CMIP: variants seen among roughly 807,000 people sequenced by gnomAD.
CMIP encodes c-Maf inducing protein.
Under a neutral mutation model 97.3 loss-of-function variants are expected in CMIP, and 13 were observed. That is an observed-to-expected ratio of 0.13 (90% confidence interval 0.09 to 0.21). The LOEUF (loss-of-function observed/expected upper bound fraction) is 0.21, where lower values mean the gene tolerates loss of function less well. Ranked by LOEUF, CMIP falls within the 10% of genes least tolerant of loss-of-function variation. The pLI is 1.00. For missense variants in CMIP, 847 were observed against 1,024.9 expected (o/e 0.83, Z 2.37); for synonymous variants, 538 against 436.3 (o/e 1.23, Z -2.91).
chr16:81,493,919 G>A (rs1029052410), intron 1 of CMIP, among the ~76,000 whole-genome samples: 1 of 152,212 alleles, frequency 6.6e-6, no homozygotes, highest in Non-Finnish European at 1.5e-5. Context: ...TTCAGGCCTC[G>A]CCTGTACACT....
chr16:81,544,321 T>A (rs1052275301), intron 1 of CMIP, among the ~76,000 whole-genome samples: 1 of 152,220 alleles, frequency 6.6e-6, no homozygotes, highest in African/African-American at 2.4e-5. Flanking sequence ...AAATACTCAA[T>A]TTTTTAATTG....
chr16:81,607,745 T>C (rs2091768571), intron 2 of CMIP, 53 bp downstream of exon 2: 2 of 1,591,598 alleles, frequency 1.3e-6, no homozygotes, highest in Non-Finnish European at 1.7e-6. Context: ...CTTCATGCAC[T>C]TGTGCCCCTC....
chr16:81,652,735 G>A lies in CMIP; in HGVS notation c.639+371G>A, dbSNP rs1045132236. On this transcript the variant is annotated intron_variant, in intron 4 of 20. Coordinates refer to ENST00000537098, the MANE Select transcript of CMIP (RefSeq NM_198390.3). The surrounding 1 kb of genome is among the most constrained non-coding windows in gnomAD (Gnocchi z 5.2). ...CCCACAAAGCCTGTAGATGTGCTCT[G>A]TTTAATTTAAACACCATTTTAAAAA... is the stretch of plus-strand genomic sequence containing the variant. Among the ~76,000 whole-genome samples the A allele has an allele frequency of 6.6e-6, 1 of 152,164 alleles. No individual in the cohort carries two copies. Among genetic ancestry groups the A allele is most frequent in the African/African-American group, 2.4e-5 (1 of 41,428 alleles).
chr16:81,658,044 A>C (rs551617124), intron 5 of CMIP, among the ~76,000 whole-genome samples: 3 of 152,332 alleles, frequency 2.0e-5, no homozygotes, highest in Admixed American at 2.0e-4. Flanking sequence ...GGTTTGTAGC[A>C]AATGTATCAT....
chr16:81,500,184 C>T (rs56823429), intron 1 of CMIP, among the ~76,000 whole-genome samples: 1 of 151,862 alleles, frequency 6.6e-6, no homozygotes, highest in East Asian at 1.9e-4. Flanking sequence ...GTGAACATGA[C>T]GCCATGGGCT....
chr16:81,492,326 G>A (rs954535848), intron 1 of CMIP, among the ~76,000 whole-genome samples: 1 of 152,184 alleles, frequency 6.6e-6, no homozygotes, highest in Non-Finnish European at 1.5e-5. Context: ...GTTGAAAATG[G>A]TGCAGTGTTC....
intron 2 of CMIP, among the ~76,000 whole-genome samples, chr16:81,613,228 G>C (rs2091860490): frequency 6.6e-6 from 1 of 152,182 alleles, no homozygotes; most frequent in Non-Finnish European, 1.5e-5. Context: ...TCTCCTGCGT[G>C]CCACATCCTT....
intron 1 of CMIP, chr16:81,517,946 A>C: frequency 1.1e-5 from 11 of 981,642 alleles, no homozygotes; most frequent in Non-Finnish European, 1.3e-5. Context: ...ATTTTCTAGG[A>C]AAATGAACGC....
chr16:81,608,638 C>A (rs1201699144), intron 2 of CMIP, among the ~76,000 whole-genome samples: 1 of 152,086 alleles, frequency 6.6e-6, no homozygotes, highest in East Asian at 1.9e-4. Flanking sequence ...GGTAGCCCCA[C>A]CAGGACCACA....
intron 1 of CMIP, among the ~76,000 whole-genome samples, chr16:81,546,424 C>G (rs1597539107): frequency 6.6e-6 from 1 of 152,260 alleles, no homozygotes; most frequent in East Asian, 1.9e-4. Context: ...AGAAATCCAC[C>G]CAGAGGGAGT....
In CMIP at chr16:81,675,082, C is replaced by A. The variant is rs116906924; in HGVS notation, c.1034+3012C>A. 2.0e-5 allele frequency among the ~76,000 whole-genome samples: 3 copies of A among 152,136 alleles called. 1 individual carries two copies. Among genetic ancestry groups the A allele is most frequent in the Admixed American group, 2.0e-4 (3 of 15,276 alleles). On this transcript the variant is annotated intron_variant, in intron 9 of 20. Coordinates refer to ENST00000537098, the MANE Select transcript of CMIP (RefSeq NM_198390.3). ...AGGAGCGTTGGGGAGGTGATATTTA[C>A]GTTAATACCTCCTGGCTGTTCTCCA...
intron 1 of CMIP, among the ~76,000 whole-genome samples, chr16:81,489,137 C>T (rs144569156): frequency 6.6e-6 from 1 of 152,278 alleles, no homozygotes; most frequent in East Asian, 1.9e-4. Flanking sequence ...TGGTCCAAGG[C>T]CTTGGGGAGC....
chr16:81,476,176 C>A, intron 1 of CMIP: 1 of 1,201,044 alleles, frequency 8.3e-7, no homozygotes, highest in South Asian at 1.2e-5. Context: ...CTTGGCAGTG[C>A]GTGTGGAAAA....
chr16:81,489,545 G>A (rs911538683), intron 1 of CMIP, among the ~76,000 whole-genome samples: 3 of 152,230 alleles, frequency 2.0e-5, no homozygotes, highest in Non-Finnish European at 4.4e-5. Context: ...AGGTCTGGAA[G>A]ACTTTACAAG....
At chr16:81,620,767 C>A in intron 2 of CMIP, 109 bp from the exon 3 acceptor site, 1 of 1,291,884 alleles carries the variant, frequency 7.7e-7, no homozygotes, top group African/African-American at 1.5e-5. Context: ...GGTCACAGGG[C>A]AGACGCTGTC....
intron 1 of CMIP, among the ~76,000 whole-genome samples, chr16:81,474,208 C>A (rs545032086): frequency 4.6e-5 from 7 of 152,106 alleles, no homozygotes; most frequent in East Asian, 1.9e-4. Context: ...GGACTTTGTA[C>A]CCCCCGGGCT....
intron 3 of CMIP, among the ~76,000 whole-genome samples, chr16:81,650,716 C>A (rs2092418300): frequency 1.3e-5 from 2 of 152,172 alleles, no homozygotes; most frequent in Admixed American, 1.3e-4. Flanking sequence ...CTGGACTTGA[C>A]TTTTGAATGC....
At chr16:81,546,016 G>A (rs755323243) in intron 1 of CMIP, among the ~76,000 whole-genome samples, 6 of 152,132 alleles carry the variant, frequency 3.9e-5, no homozygotes, top group Non-Finnish European at 8.8e-5. Flanking sequence ...TGGGGAAAAC[G>A]CAAATGGCGC....
chr16:81,600,411 A>C (rs1356936457), intron 1 of CMIP, among the ~76,000 whole-genome samples: 1 of 152,194 alleles, frequency 6.6e-6, no homozygotes, highest in East Asian at 1.9e-4. Context: ...TCAGTCAGCC[A>C]TGAAAGGAAT....
Sources: allele counts gnomAD v4.1 joint callset (sites outside exome capture counted in the v4.1 genomes callset), GRCh38; gene constraint gnomAD v4.1.1; non-coding constraint Gnocchi (gnomAD v3.1); transcripts MANE v1.5; gene names NCBI Gene and HGNC (gene_info 2026-07-23, HGNC 2026-07-21).